Variants in TMTC2 observed in about 807,000 individuals in gnomAD.
TMTC2 encodes the protein transmembrane O-mannosyltransferase targeting cadherins 2.
Under a neutral mutation model 82.4 loss-of-function variants are expected in TMTC2, and 43 were observed. That is an observed-to-expected ratio of 0.52 (90% confidence interval 0.41 to 0.67). The LOEUF (loss-of-function observed/expected upper bound fraction) is 0.67, where lower values mean the gene tolerates loss of function less well. Among genes scored for constraint, TMTC2 ranks in the 30% least tolerant of loss-of-function variants. TMTC2 has a pLI of 0.00. For missense variants in TMTC2, 919 were observed against 1,012.4 expected, an observed-to-expected ratio of 0.91 and a Z score of 1.25; for synonymous variants, 408 against 381.9, an observed-to-expected ratio of 1.07 and a Z score of -0.80.
Position 82,861,305 on chromosome 12 carries a change from G to C in TMTC2, c.654+3725G>C, listed in dbSNP as rs560119593. Among the ~76,000 whole-genome samples the C allele has an allele frequency of 7.9e-5, 12 of 152,270 alleles. No homozygotes were observed. In the South Asian group the frequency reaches 2.5e-3, roughly 32 times the overall value. Reference sequence around the variant, plus strand: ...GCAGTTTACCTTTGTCTTAGGTGTTGCTTAAGCTTGATTCTACATCCGGAT... The same window carrying C: ...GCAGTTTACCTTTGTCTTAGGTGTTCCTTAAGCTTGATTCTACATCCGGAT... On this transcript the variant is annotated intron_variant, in intron 2 of 11. Transcript: ENST00000321196.
chr12:82,855,395 C>G (rs1871213016), intron 1 of TMTC2, among the ~76,000 whole-genome samples: 1 of 152,192 alleles, frequency 6.6e-6, no homozygotes, highest in Admixed American at 6.5e-5. Flanking sequence ...TTTCTCTGAT[C>G]ACACCTGCCT....
intron 1 of TMTC2, among the ~76,000 whole-genome samples, chr12:82,794,528 T>G (rs920013220): frequency 2.0e-5 from 3 of 152,142 alleles, no homozygotes; most frequent in African/African-American, 7.2e-5. Flanking sequence ...TGTGTTTTAT[T>G]TTTTAACAGC....
intron 8 of TMTC2, among the ~76,000 whole-genome samples, chr12:83,023,275 C>T (rs1019650529): frequency 3.9e-5 from 6 of 152,176 alleles, no homozygotes; most frequent in Admixed American, 3.9e-4. Context: ...AAACCGAATA[C>T]ATGTTTCTTT....
intron 1 of TMTC2, among the ~76,000 whole-genome samples, chr12:82,693,727 T>TGG (rs57902538): frequency 0.12 from 18,239 of 152,028 alleles, 1,190 homozygotes; most frequent in East Asian, 0.24. Context: ...CCTAGCACTT[T>TGG]GGGAGGCCGA....
intron 4 of TMTC2, among the ~76,000 whole-genome samples, chr12:82,938,472 A>G (rs1876532481): frequency 6.6e-6 from 1 of 152,116 alleles, no homozygotes; most frequent in African/African-American, 2.4e-5. Flanking sequence ...GGACGTGTTT[A>G]GTTGATGCCA....
chr12:82,829,542 C>T (rs1321206815), intron 1 of TMTC2, among the ~76,000 whole-genome samples: 2 of 151,890 alleles, frequency 1.3e-5, no homozygotes, highest in Non-Finnish European at 2.9e-5. Flanking sequence ...AGATCATTGA[C>T]TTTAAGAAAA....
chr12:82,778,646 G>A lies in TMTC2; in HGVS notation c.84-78364G>A, dbSNP rs538451963. On this transcript the variant is annotated intron_variant, in intron 1 of 11. Transcript: ENST00000321196. Reference sequence around the variant, plus strand: ...GGGCGGATCACCAGGTCAGGAGATCGAGACCATCCCGGCTAAAACGGTGAA... The same window carrying A: ...GGGCGGATCACCAGGTCAGGAGATCAAGACCATCCCGGCTAAAACGGTGAA... Among the ~76,000 whole-genome samples, 52 of 151,862 alleles carry A rather than the reference G, an allele frequency of 3.4e-4. 1 individual carries two copies. The highest frequency in any genetic ancestry group is 1.2e-3 in the African/African-American group (50 of 41,444).
chr12:82,783,290 C>CTGTG (rs72110651), intron 1 of TMTC2, among the ~76,000 whole-genome samples: 6,626 of 119,282 alleles, frequency 0.056, 265 homozygotes, highest in African/African-American at 0.11. Context: ...GTATATGCCT[C>CTGTG]TGTGTGTGTG....
chr12:83,043,075 A>G (rs897794229), intron 9 of TMTC2, among the ~76,000 whole-genome samples: 1 of 152,230 alleles, frequency 6.6e-6, no homozygotes, highest in Non-Finnish European at 1.5e-5. Context: ...AAAGCAACAA[A>G]ACGAATAAAG....
intron 9 of TMTC2, among the ~76,000 whole-genome samples, chr12:83,042,571 C>G (rs1264864023): frequency 2.0e-5 from 3 of 152,092 alleles, no homozygotes; most frequent in African/African-American, 7.2e-5. Flanking sequence ...CCTTGTCCCT[C>G]CCCCGATTCC....
chr12:82,893,175 T>A (rs994661762), intron 2 of TMTC2, among the ~76,000 whole-genome samples: 1 of 151,772 alleles, frequency 6.6e-6, no homozygotes. Flanking sequence ...ATCAAGACCA[T>A]CCTGGCCAAC....
intron 4 of TMTC2, among the ~76,000 whole-genome samples, chr12:82,956,150 C>T (rs1877601157): frequency 1.3e-5 from 2 of 152,008 alleles, no homozygotes; most frequent in Admixed American, 1.3e-4. Flanking sequence ...AGCCCACAGA[C>T]CCTATAAAAC....
chr12:82,790,916 C>T (rs569149265), intron 1 of TMTC2, among the ~76,000 whole-genome samples: 6 of 151,878 alleles, frequency 4.0e-5, no homozygotes, highest in South Asian at 2.1e-4. Context: ...AAGAAATATT[C>T]GAACAGAGTG....
At chr12:82,908,852 A>G (rs982238051) in intron 3 of TMTC2, among the ~76,000 whole-genome samples, 26 of 151,970 alleles carry the variant, frequency 1.7e-4, no homozygotes, top group African/African-American at 6.0e-4. Context: ...GAAAGAGCCA[A>G]ATTTGCTTTT....
intron 4 of TMTC2, among the ~76,000 whole-genome samples, chr12:82,934,686 C>T (rs183417021): frequency 2.6e-4 from 39 of 152,220 alleles, no homozygotes; most frequent in East Asian, 2.5e-3. Flanking sequence ...CTGCAATAAA[C>T]GTATTTGTGC....
intron 1 of TMTC2, among the ~76,000 whole-genome samples, chr12:82,722,393 A>T: frequency 1.2e-5 from 1 of 80,200 alleles, no homozygotes; most frequent in African/African-American, 5.3e-5. Flanking sequence ...TCTCTACTAA[A>T]AATACAAAAA....
chr12:83,077,571 CTT>C (rs902138679), intron 11 of TMTC2, among the ~76,000 whole-genome samples: 3 of 150,242 alleles, frequency 2.0e-5, no homozygotes, highest in African/African-American at 7.4e-5. Context: ...GTTAATGTGT[CTT>C]TTTTTTTATT....
intron 3 of TMTC2, among the ~76,000 whole-genome samples, chr12:82,920,101 A>G (rs1450662268): frequency 6.6e-6 from 1 of 152,074 alleles, no homozygotes; most frequent in Non-Finnish European, 1.5e-5. Flanking sequence ...TCTTCTAGCT[A>G]TTTTTTCAAA....
At chr12:82,917,836 T>C (rs989426834) in intron 3 of TMTC2, among the ~76,000 whole-genome samples, 3 of 151,602 alleles carry the variant, frequency 2.0e-5, no homozygotes, top group Non-Finnish European at 2.9e-5. Context: ...TCTCCTGACC[T>C]CGTGATCCAC....
Sources: gnomAD v4.1 joint callset for allele counts (sites outside exome capture counted in the v4.1 genomes callset) on GRCh38, gnomAD v4.1.1 for gene constraint, MANE v1.5 for transcripts, NCBI Gene and HGNC (gene_info 2026-07-23, HGNC 2026-07-21) for gene names.